Variants in TNPO1 observed in about 807,000 individuals in gnomAD.
The protein encoded by TNPO1 is transportin 1.
In TNPO1, 8 loss-of-function variants were observed where a neutral mutation model predicts 119.5. The observed-to-expected ratio is 0.07, with a 90% confidence interval of 0.04 to 0.12. The LOEUF is 0.12. Ranked by LOEUF, TNPO1 falls within the 10% of genes least tolerant of loss-of-function variation. The probability of loss-of-function intolerance (pLI) is 1.00; values close to 1 mark genes in which losing one functional copy is unlikely to be tolerated. For synonymous variants in TNPO1, 362 were observed against 363.0 expected (o/e 1.00, Z 0.03); for missense variants, 576 against 1,089.8 (o/e 0.53, Z 6.64).
At chr5:72,897,270 G>A in intron 20 of TNPO1, 119 bp downstream of exon 20, 1 of 634,324 alleles carries the variant, frequency 1.6e-6, no homozygotes, top group Non-Finnish European at 2.7e-6. Flanking sequence ...GTATTTAATT[G>A]CTATTTCGGA....
intron 3 of TNPO1, among the ~76,000 whole-genome samples, chr5:72,855,545 T>C (rs1187759050): frequency 6.6e-6 from 1 of 152,170 alleles, no homozygotes; most frequent in Non-Finnish European, 1.5e-5. Flanking sequence ...CATCTTAAAA[T>C]GCACAGGACA....
At chr5:72,894,665 C>T (rs371180962) in intron 18 of TNPO1, among the ~76,000 whole-genome samples, 40 of 151,846 alleles carry the variant, frequency 2.6e-4, no homozygotes, top group East Asian at 2.5e-3. Flanking sequence ...AGCAAGACTC[C>T]GTCTCAAAAA....
chr5:72,877,039 G>A (rs1747842512), intron 8 of TNPO1, among the ~76,000 whole-genome samples, 189 bp from the exon 9 acceptor site: 1 of 147,296 alleles, frequency 6.8e-6, no homozygotes, highest in East Asian at 2.0e-4. Flanking sequence ...AGCTTGCAGT[G>A]AGCCGAGTTC....
intron 4 of TNPO1, among the ~76,000 whole-genome samples, chr5:72,856,550 G>C (rs536877603): frequency 6.6e-6 from 1 of 152,084 alleles, no homozygotes; most frequent in Non-Finnish European, 1.5e-5. Context: ...CCTATTTTCT[G>C]CCTAGCATGA....
intron 2 of TNPO1, among the ~76,000 whole-genome samples, chr5:72,849,292 C>T (rs749779650): frequency 2.0e-5 from 3 of 152,158 alleles, no homozygotes; most frequent in African/African-American, 7.2e-5. Context: ...CGTATGCTTT[C>T]TGTAGTGCCC....
rs374031979 is a variant in TNPO1 at position 72,875,620 on chromosome 5, C to G, written c.684C>G (p.Leu228=). The change falls in exon 8 of 25, where the codon CTC becomes CTG. Residue 228 remains leucine (L), a synonymous_variant. Coordinates refer to ENST00000337273, the MANE Select transcript of TNPO1 (RefSeq NM_002270.4). ...AATTATTTCTTGTGCAACAGAATCT[C>G]TTTGCATTAGCTGGTGATGAAGAAC... The part of the protein sequence containing the change: ...MLHIDSFIEN[L]FALAGDEEPE... 1.2e-6 allele frequency: 2 copies of G among 1,611,364 alleles called. No individual in the cohort carries two copies. The highest frequency in any genetic ancestry group is 2.7e-5 in the African/African-American group (2 of 74,888).
chr5:72,843,541 C>T (rs1745002283), intron 1 of TNPO1, among the ~76,000 whole-genome samples: 1 of 151,498 alleles, frequency 6.6e-6, no homozygotes, highest in African/African-American at 2.4e-5. Context: ...TTGCAGTGAG[C>T]CGAGATCGCA....
At chr5:72,846,479 T>G (rs964384295) in intron 1 of TNPO1, among the ~76,000 whole-genome samples, 8 of 152,142 alleles carry the variant, frequency 5.3e-5, no homozygotes, top group African/African-American at 1.9e-4. Flanking sequence ...TGTAGAAAGA[T>G]TCACATAAAA....
At position 72,913,646 on chromosome 5, in the gene TNPO1, T is replaced by C. The variant is rs1158583800; in HGVS notation, c.*4973T>C. 2 of 152,540 alleles carry C rather than the reference T, an allele frequency of 1.3e-5. No homozygotes were observed. Among genetic ancestry groups the C allele is most frequent in the African/African-American group, 4.8e-5 (2 of 41,454 alleles). The allele number at this position is 152,540 out of a possible 1,614,324, so 9.4% of individuals were successfully genotyped here. A position where few individuals can be genotyped will look rare whatever the true frequency, so the allele number is the denominator to read the frequency against. ...TTCCTTATACTGTGGCTTGGTATTA[T>C]TCAAGATTAGCTATTTCGCTGGTAT... On this transcript the variant is annotated 3_prime_UTR_variant, in exon 25 of 25. Transcript: ENST00000337273.
intron 3 of TNPO1, among the ~76,000 whole-genome samples, chr5:72,852,111 G>T (rs1053547394): frequency 6.6e-6 from 1 of 152,138 alleles, no homozygotes; most frequent in Non-Finnish European, 1.5e-5. Flanking sequence ...TTAGCAAAAA[G>T]TGGGATCATT....
In TNPO1 at chr5:72,909,577, T is replaced by TGCTTCTTCATGCTACTTCAAG. The variant is rs1750420775; in HGVS notation, c.*904_*905insGCTTCTTCATGCTACTTCAAG. 1 of 152,300 alleles carries TGCTTCTTCATGCTACTTCAAG rather than the reference T, an allele frequency of 6.6e-6. No individual in the cohort carries two copies. The highest frequency in any genetic ancestry group is 2.1e-4 in the South Asian group (1 of 4,830). 9.4% of individuals were successfully genotyped at this position (152,300 alleles called of 1,614,324 possible). A position where few individuals can be genotyped will look rare whatever the true frequency, so the allele number is the denominator to read the frequency against. On this transcript the variant is annotated 3_prime_UTR_variant, in exon 25 of 25. Transcript: ENST00000337273. ...TCTGGCTCATAGTGGTTGAAAGTAA[T>TGCTTCTTCATGCTACTTCAAG]TTAAATTAGTGGGAAAGTAGCATGC...
At chr5:72,834,888 A>G (rs894957717) in intron 1 of TNPO1, among the ~76,000 whole-genome samples, 1 of 151,888 alleles carries the variant, frequency 6.6e-6, no homozygotes, top group Non-Finnish European at 1.5e-5. Flanking sequence ...TTTATTTTTT[A>G]TTTTTATGCC....
chr5:72,901,879 C>G (rs576741986), intron 22 of TNPO1, among the ~76,000 whole-genome samples: 12 of 152,208 alleles, frequency 7.9e-5, no homozygotes, highest in African/African-American at 2.9e-4. Context: ...GAGTTCGAGA[C>G]CAGCCTGGTC....
intron 4 of TNPO1, among the ~76,000 whole-genome samples, chr5:72,859,791 T>C (rs1382424408): frequency 1.3e-5 from 2 of 152,236 alleles, no homozygotes; most frequent in East Asian, 3.8e-4. Flanking sequence ...TGTTTAAACA[T>C]TTTTAAGATT....
intron 14 of TNPO1, among the ~76,000 whole-genome samples, chr5:72,891,515 A>G (rs995227937): frequency 6.6e-6 from 1 of 152,152 alleles, no homozygotes; most frequent in Non-Finnish European, 1.5e-5. Flanking sequence ...TTTTTAAGTA[A>G]TAGATTTTGA....
chr5:72,864,947 T>C (rs1457714535), intron 5 of TNPO1, among the ~76,000 whole-genome samples: 1 of 152,232 alleles, frequency 6.6e-6, no homozygotes, highest in East Asian at 1.9e-4. Flanking sequence ...CTCTCTGTGC[T>C]TCAAAAAGAA....
At chr5:72,829,003 G>C (rs971626066) in intron 1 of TNPO1, among the ~76,000 whole-genome samples, 1 of 152,114 alleles carries the variant, frequency 6.6e-6, no homozygotes, top group Admixed American at 6.6e-5. Context: ...CAGAGTTATT[G>C]GTACTCATTG....
chr5:72,858,969 T>TA (rs1746221485), intron 4 of TNPO1, among the ~76,000 whole-genome samples: 1 of 151,760 alleles, frequency 6.6e-6, no homozygotes, highest in East Asian at 1.9e-4. Flanking sequence ...TTTTTTTTTT[T>TA]AATCACCCAA....
chr5:72,821,950 G>A (rs527306366), intron 1 of TNPO1, among the ~76,000 whole-genome samples: 1 of 152,172 alleles, frequency 6.6e-6, no homozygotes, highest in East Asian at 1.9e-4. Flanking sequence ...CTGCTTTGTG[G>A]GCCATACCAT....
Sources: allele counts gnomAD v4.1 joint callset (sites outside exome capture counted in the v4.1 genomes callset), GRCh38; gene constraint gnomAD v4.1.1; transcripts MANE v1.5; gene names NCBI Gene and HGNC (gene_info 2026-07-23, HGNC 2026-07-21).